The following SPOCK3 variants were observed in gnomAD, a reference collection of about 807,000 sequenced individuals.
The protein encoded by SPOCK3 is testican-3.
A neutral mutation model predicts 56.6 loss-of-function variants in SPOCK3; 30 were observed. The ratio of observed to expected loss-of-function variants is 0.53; its 90% confidence interval spans 0.40 to 0.72. The LOEUF is 0.72. Among genes scored for constraint, SPOCK3 ranks in the 30% least tolerant of loss-of-function variants. The probability of loss-of-function intolerance (pLI) is 0.00; values close to 1 mark genes in which losing one functional copy is unlikely to be tolerated. For synonymous variants in SPOCK3, 196 were observed against 183.3 expected, an observed-to-expected ratio of 1.07 and a Z score of -0.56; for missense variants, 527 against 530.0, an observed-to-expected ratio of 0.99 and a Z score of 0.06.
At chr4:167,149,463 C>A (rs1018113725) in intron 2 of SPOCK3, among the ~76,000 whole-genome samples, 1 of 151,946 alleles carries the variant, frequency 6.6e-6, no homozygotes, top group Non-Finnish European at 1.5e-5. Context: ...AAGAAGTATG[C>A]CAATGGGATA....
At chr4:167,136,115 G>A (rs1025910781) in intron 2 of SPOCK3, among the ~76,000 whole-genome samples, 1 of 151,976 alleles carries the variant, frequency 6.6e-6, no homozygotes, top group African/African-American at 2.4e-5. Flanking sequence ...CTGGAATCTT[G>A]TTGAAAATGC....
chr4:167,114,159 G>T (rs758014809), intron 2 of SPOCK3, among the ~76,000 whole-genome samples: 1 of 152,098 alleles, frequency 6.6e-6, no homozygotes, highest in African/African-American at 2.4e-5. Flanking sequence ...CGAGAGAGAG[G>T]TCAATTCGAC....
At chr4:166,939,119 A>G (rs952984081) in intron 4 of SPOCK3, among the ~76,000 whole-genome samples, 13 of 152,184 alleles carry the variant, frequency 8.5e-5, no homozygotes, top group Non-Finnish European at 1.8e-4. Flanking sequence ...AGTATTTGGT[A>G]GAACATAGAT....
intron 5 of SPOCK3, among the ~76,000 whole-genome samples, chr4:166,907,502 C>A (rs1221822363): frequency 1.3e-5 from 2 of 152,046 alleles, no homozygotes; most frequent in Non-Finnish European, 2.9e-5. Flanking sequence ...GTTTGCTTCA[C>A]TGTAAGTGGC....
intron 4 of SPOCK3, among the ~76,000 whole-genome samples, chr4:166,915,108 T>C (rs1243619128): frequency 7.9e-5 from 12 of 152,152 alleles, no homozygotes. Flanking sequence ...CTTCTACAAA[T>C]TTATAGAAGT....
chr4:166,961,161 T>C (rs1744102824), intron 4 of SPOCK3, among the ~76,000 whole-genome samples: 2 of 151,926 alleles, frequency 1.3e-5, no homozygotes, highest in African/African-American at 4.8e-5. Flanking sequence ...CAAAATAATC[T>C]AATCACATTT....
At chr4:166,822,180 G>A (rs957164746) in intron 6 of SPOCK3, among the ~76,000 whole-genome samples, 1 of 151,898 alleles carries the variant, frequency 6.6e-6, no homozygotes, top group Non-Finnish European at 1.5e-5. Context: ...TATTTCCCTA[G>A]TGAGAGTCTA....
intron 2 of SPOCK3, among the ~76,000 whole-genome samples, chr4:167,219,430 G>A (rs1735681854): frequency 6.6e-6 from 1 of 152,176 alleles, no homozygotes; most frequent in Non-Finnish European, 1.5e-5. Flanking sequence ...AAAGTGAGCT[G>A]TGATTAACGG....
intron 3 of SPOCK3, among the ~76,000 whole-genome samples, chr4:167,017,431 C>A (rs145170427): frequency 6.2e-4 from 94 of 152,188 alleles, no homozygotes; most frequent in African/African-American, 2.1e-3. Flanking sequence ...GGCATGAGAC[C>A]CATTCTCCAG....
chr4:166,789,782 T>G (rs1723868401), intron 7 of SPOCK3, among the ~76,000 whole-genome samples: 1 of 152,214 alleles, frequency 6.6e-6, no homozygotes, highest in African/African-American at 2.4e-5. Context: ...TGGTAATATT[T>G]TTTGCTATTA....
intron 7 of SPOCK3, among the ~76,000 whole-genome samples, chr4:166,775,436 T>C (rs889817812): frequency 1.3e-5 from 2 of 152,118 alleles, no homozygotes; most frequent in Non-Finnish European, 2.9e-5. Context: ...AGTGGGTTTG[T>C]GTGGGGTATC....
At chr4:167,076,767 C>G (rs1319736186) in intron 2 of SPOCK3, among the ~76,000 whole-genome samples, 1 of 151,516 alleles carries the variant, frequency 6.6e-6, no homozygotes, top group Non-Finnish European at 1.5e-5. Context: ...CTATTTTTTG[C>G]ATTAGCCAAT....
At chr4:166,887,276 G>C (rs1289572101) in intron 6 of SPOCK3, among the ~76,000 whole-genome samples, 1 of 152,076 alleles carries the variant, frequency 6.6e-6, no homozygotes, top group African/African-American at 2.4e-5. Flanking sequence ...TTAAAAGCGG[G>C]AAATCTCATT....
At position 166,930,665 on chromosome 4, in the gene SPOCK3, A is replaced by C. The variant is rs547061349; in HGVS notation, c.351-17922T>G. On this transcript the variant is annotated intron_variant, in intron 4 of 10. Transcript: ENST00000357545. ...AGACACTTAAATTACCACAGAAGGC[A>C]CTTATGGAAAACATTTGCATTTCCT... Among the ~76,000 whole-genome samples the C allele has an allele frequency of 2.0e-5, 3 of 152,342 alleles. No individual in the cohort carries two copies. The East Asian group carries it at 5.8e-4, about 29-fold the overall frequency.
intron 2 of SPOCK3, among the ~76,000 whole-genome samples, chr4:167,182,181 G>C (rs1731523858): frequency 6.6e-6 from 1 of 151,854 alleles, no homozygotes; most frequent in African/African-American, 2.4e-5. Flanking sequence ...GCCTAATCTG[G>C]CAACTTTTTT....
At chr4:166,862,912 A>G (rs528765453) in intron 6 of SPOCK3, among the ~76,000 whole-genome samples, 2 of 152,176 alleles carry the variant, frequency 1.3e-5, no homozygotes, top group East Asian at 3.9e-4. Context: ...TACAGAGAAT[A>G]CCACTAAGAT....
chr4:166,973,431 G>GC (rs1745602054), intron 4 of SPOCK3, among the ~76,000 whole-genome samples: 1 of 152,156 alleles, frequency 6.6e-6, no homozygotes, highest in East Asian at 1.9e-4. Flanking sequence ...CTCAATAATA[G>GC]CACAGTGCAG....
At chr4:166,738,884 G>A (rs1422104526) in intron 9 of SPOCK3, among the ~76,000 whole-genome samples, 1 of 151,904 alleles carries the variant, frequency 6.6e-6, no homozygotes, top group East Asian at 1.9e-4. Flanking sequence ...GGACATTTGG[G>A]TTGGTTCCAA....
At chr4:167,059,820 C>A (rs1047215018) in intron 3 of SPOCK3, among the ~76,000 whole-genome samples, 2 of 152,016 alleles carry the variant, frequency 1.3e-5, no homozygotes, top group African/African-American at 4.8e-5. Flanking sequence ...TACTATGCAG[C>A]CATAAAAAAT....
Sources: allele counts gnomAD v4.1 joint callset (sites outside exome capture counted in the v4.1 genomes callset), GRCh38; gene constraint gnomAD v4.1.1; transcripts MANE v1.5; gene names NCBI Gene and HGNC (gene_info 2026-07-23, HGNC 2026-07-21).